RRAGD: variants seen among roughly 807,000 people sequenced by gnomAD.
RRAGD encodes the protein ras-related GTP-binding protein D.
In RRAGD, 12 loss-of-function variants were observed where a neutral mutation model predicts 35.5. The observed-to-expected ratio is 0.34, with a 90% CI of 0.22 to 0.55. The LOEUF (loss-of-function observed/expected upper bound fraction) is 0.55. Ranked by LOEUF, RRAGD falls within the 20% of genes least tolerant of loss-of-function variation. The pLI is 0.91. For synonymous variants in RRAGD, 155 were observed against 178.9 expected, an observed-to-expected ratio of 0.87 and a Z score of 1.07; for missense variants, 324 against 490.1, an observed-to-expected ratio of 0.66 and a Z score of 3.20.
chr6:89,398,874 C>T (rs1291017324), intron 1 of RRAGD, among the ~76,000 whole-genome samples: 1 of 152,118 alleles, frequency 6.6e-6, no homozygotes, highest in Non-Finnish European at 1.5e-5. Flanking sequence ...ACATTAAATA[C>T]TATACTCTAA....
chr6:89,379,833 A>G (rs1015360692), intron 3 of RRAGD, among the ~76,000 whole-genome samples: 1 of 152,232 alleles, frequency 6.6e-6, no homozygotes, highest in Non-Finnish European at 1.5e-5. Flanking sequence ...TCCTTTACTT[A>G]TAATTACAGA....
chr6:89,389,413 A>G (rs1015394800), intron 1 of RRAGD, among the ~76,000 whole-genome samples: 9 of 151,888 alleles, frequency 5.9e-5, no homozygotes, highest in Admixed American at 5.9e-4. Context: ...AAAATTAGCC[A>G]GGCGTGGTGG....
At chr6:89,392,152 G>C (rs1011562083) in intron 1 of RRAGD, among the ~76,000 whole-genome samples, 43 of 151,932 alleles carry the variant, frequency 2.8e-4, no homozygotes, top group Admixed American at 2.6e-3. Flanking sequence ...ACTCAAAGAA[G>C]GATCAAGAAA....
Position 89,412,109 on chromosome 6 carries a change from G to A in RRAGD, c.-116C>T. ...GCGGAGGTTTGTCTAGAGCTCAGCG[G>A]GGCCCGGCGGAAGCGGGGGCCGCGC... On this transcript the variant is annotated 5_prime_UTR_variant, in exon 1 of 7. Coordinates refer to ENST00000369415, the MANE Select transcript of RRAGD (RefSeq NM_021244.5). This position sits in a 1 kb window ranked among gnomAD's most constrained non-coding sequence, Gnocchi z 4.2. 1 of 1,027,976 alleles carries A rather than the reference G, an allele frequency of 9.7e-7. No individual in the cohort carries two copies. The allele number at this position is 1,027,976 out of a possible 1,614,324, so 63.7% of individuals were successfully genotyped here.
intron 2 of RRAGD, among the ~76,000 whole-genome samples, chr6:89,382,672 G>A (rs1257545057): frequency 6.6e-6 from 1 of 151,652 alleles, no homozygotes; most frequent in East Asian, 1.9e-4. Flanking sequence ...TCAGGAGTTC[G>A]AGACCAGCCT....
chr6:89,389,143 C>A (rs1228152767), intron 1 of RRAGD, among the ~76,000 whole-genome samples: 1 of 152,142 alleles, frequency 6.6e-6, no homozygotes, highest in African/African-American at 2.4e-5. Flanking sequence ...TGACATAGAA[C>A]ATTCTTATCC....
chr6:89,369,772 T>C (rs1768825798), intron 6 of RRAGD, among the ~76,000 whole-genome samples: 1 of 152,228 alleles, frequency 6.6e-6, no homozygotes, highest in African/African-American at 2.4e-5. Context: ...GTAATCTTGC[T>C]GTGTTTGGAA....
rs1302035202 is a variant in RRAGD, at chr6:89,411,570, A to C, written c.148+276T>G. On this transcript the variant is annotated intron_variant, in intron 1 of 6. Coordinates refer to ENST00000369415, the MANE Select transcript of RRAGD (RefSeq NM_021244.5). This position sits in a 1 kb window ranked among gnomAD's most constrained non-coding sequence, Gnocchi z 5.6. ...GGGCGCGGGAGGCACCGGCTCTGAA[A>C]GGGGCAGAAGCGCGCGCTCCTCCAG... 16 of 453,966 alleles carry C rather than the reference A, an allele frequency of 3.5e-5. No individual in the cohort carries two copies. The highest frequency in any genetic ancestry group is 5.5e-5 in the Non-Finnish European group (14 of 252,306). The allele number at this position is 453,966 out of a possible 1,614,324, so 28.1% of individuals were successfully genotyped here.
intron 1 of RRAGD, among the ~76,000 whole-genome samples, chr6:89,407,395 T>G (rs967540021): frequency 6.6e-5 from 10 of 152,134 alleles, no homozygotes; most frequent in Non-Finnish European, 1.3e-4. Flanking sequence ...CCCAGTACTT[T>G]GGGAGGCCAA....
At chr6:89,384,428 CA>C (rs1769103279) in intron 2 of RRAGD, among the ~76,000 whole-genome samples, 2 of 152,326 alleles carry the variant, frequency 1.3e-5, no homozygotes, top group South Asian at 4.1e-4. Context: ...ACTGCAGCCT[CA>C]AACTCCTGGG....
At chr6:89,394,619 T>C (rs1010964720) in intron 1 of RRAGD, among the ~76,000 whole-genome samples, 2 of 152,122 alleles carry the variant, frequency 1.3e-5, no homozygotes, top group African/African-American at 4.8e-5. Context: ...ATGAGTACAA[T>C]GTAATCAGCA....
At chr6:89,396,189 A>T (rs1054362707) in intron 1 of RRAGD, among the ~76,000 whole-genome samples, 1 of 152,174 alleles carries the variant, frequency 6.6e-6, no homozygotes, top group African/African-American at 2.4e-5. Context: ...AAATTTAGAA[A>T]GAAAAGCACA....
chr6:89,378,075 G>A (rs549393094), intron 4 of RRAGD, among the ~76,000 whole-genome samples: 3 of 152,274 alleles, frequency 2.0e-5, no homozygotes, highest in South Asian at 2.1e-4. Context: ...AGGCCAAGGC[G>A]GGCAGATCAC....
intron 6 of RRAGD, among the ~76,000 whole-genome samples, chr6:89,368,617 G>C (rs1886241): frequency 0.034 from 5,108 of 152,206 alleles, 115 homozygotes; most frequent in South Asian, 0.1. Context: ...CCTGACTTGG[G>C]ATCCCAAAGC....
At chr6:89,380,110 C>A in intron 3 of RRAGD, 58 bp downstream of exon 3, 1 of 1,541,118 alleles carries the variant, frequency 6.5e-7, no homozygotes, top group Non-Finnish European at 9.0e-7. Flanking sequence ...TGACTCCGAA[C>A]CCCAAACTTG....
At chr6:89,380,579 T>A (rs1204104885) in intron 2 of RRAGD, among the ~76,000 whole-genome samples, 1 of 152,098 alleles carries the variant, frequency 6.6e-6, no homozygotes, top group Non-Finnish European at 1.5e-5. Flanking sequence ...TGCAGCTGAT[T>A]TAGGCAGTTA....
At chr6:89,407,411 G>A (rs1278913864) in intron 1 of RRAGD, among the ~76,000 whole-genome samples, 2 of 152,260 alleles carry the variant, frequency 1.3e-5, no homozygotes, top group Admixed American at 6.5e-5. Context: ...GCCAAGGCAG[G>A]TGGATCACTT....
chr6:89,366,765 A>G lies in RRAGD; in HGVS notation c.*1291T>C, dbSNP rs1768757508. The G allele has an allele frequency of 6.6e-6, 1 of 152,216 alleles. No individual in the cohort carries two copies. Among genetic ancestry groups the G allele is most frequent in the Non-Finnish European group, 1.5e-5 (1 of 68,034 alleles). The allele number at this position is 152,216 out of a possible 1,614,324, so 9.4% of individuals were successfully genotyped here. On this transcript the variant is annotated 3_prime_UTR_variant, in exon 7 of 7. Coordinates refer to ENST00000369415, the MANE Select transcript of RRAGD (RefSeq NM_021244.5). Reference sequence around the variant, plus strand: ...TCTTAATTTCCTGTTAGTCTAAAGTAAACATAAGTGAAATAATTTCACAGA... The same window carrying G: ...TCTTAATTTCCTGTTAGTCTAAAGTGAACATAAGTGAAATAATTTCACAGA...
intron 2 of RRAGD, among the ~76,000 whole-genome samples, chr6:89,386,876 ATAAT>A (rs1769144856): frequency 6.6e-6 from 1 of 152,210 alleles, no homozygotes; most frequent in Non-Finnish European, 1.5e-5. Flanking sequence ...AATAATTATA[ATAAT>A]TTATTTCAGA....
Sources: allele counts gnomAD v4.1 joint callset (sites outside exome capture counted in the v4.1 genomes callset), GRCh38; gene constraint gnomAD v4.1.1; non-coding constraint Gnocchi (gnomAD v3.1); transcripts MANE v1.5; gene names NCBI Gene and HGNC (gene_info 2026-07-23, HGNC 2026-07-21).